TMEFF2: variants seen among roughly 807,000 people sequenced by gnomAD.
The protein encoded by TMEFF2 is transmembrane protein with EGF like and two follistatin like domains 2.
TMEFF2 carries 28 observed loss-of-function variants against 53.8 expected under a neutral mutation model. That is an observed-to-expected ratio of 0.52 (90% confidence interval 0.39 to 0.71). TMEFF2 has a LOEUF of 0.71. TMEFF2 is among the 30% of genes least tolerant of loss of function. The pLI, the probability that TMEFF2 is intolerant of heterozygous loss-of-function variation, is 0.00. For synonymous variants in TMEFF2, 162 were observed against 166.3 expected, an observed-to-expected ratio of 0.97 and a Z score of 0.20; for missense variants, 353 against 455.2, an observed-to-expected ratio of 0.78 and a Z score of 2.04.
Position 192,191,911 on chromosome 2 carries a change from C to G in TMEFF2, c.251G>C (p.Gly84Ala). The change falls in exon 2 of 10, where the codon GGA becomes GCA. Residue 84 changes from glycine (G) to alanine (A), a missense_variant. Physicochemically the swap from Gly to Ala is moderately conservative, Grantham distance 60 (BLOSUM62 0). Transcript: ENST00000272771. ...CKFDGECLRI[G>A]DTVTCVCQFK... ...CTGACAGACGCAAGTCACAGTGTCT[C>G]CAATTCTTAAACATTCCCCATCAAA... 1 of 1,613,362 alleles carries G rather than the reference C, an allele frequency of 6.2e-7. No homozygotes were observed.
intron 7 of TMEFF2, 99 bp from the exon 8 acceptor site, chr2:191,956,477 T>TA: frequency 7.6e-7 from 1 of 1,319,172 alleles, no homozygotes; most frequent in Non-Finnish European, 1.0e-6. Flanking sequence ...CAAAGATATT[T>TA]AAAAGGGCAA....
At chr2:192,192,780 T>A (rs537941406) in intron 1 of TMEFF2, among the ~76,000 whole-genome samples, 7 of 152,346 alleles carry the variant, frequency 4.6e-5, no homozygotes, top group Non-Finnish European at 1.0e-4. Flanking sequence ...GCCATCAACA[T>A]TTCCAAAAAT....
intron 5 of TMEFF2, among the ~76,000 whole-genome samples, chr2:192,040,411 C>T (rs1425378214): frequency 1.3e-5 from 2 of 152,044 alleles, no homozygotes; most frequent in African/African-American, 4.8e-5. Context: ...TGCTTCAAAT[C>T]CTTTGAAGAG....
rs1238794111 is a variant in TMEFF2 at position 191,953,581 on chromosome 2, CAG to C, written c.1028+96_1028+97del. ...AGGACTCATAGAGAATGGATGGCTG[CAG>C]AGTCCATGAAGGAACTCACCTCGGA... On this transcript the variant is annotated intron_variant, in intron 9 of 9. Transcript: ENST00000272771. The C allele has an allele frequency of 6.6e-6, 9 of 1,364,048 alleles. No homozygotes were observed. In the African/African-American group the frequency reaches 1.3e-4, roughly 20 times the overall value. The allele number at this position is 1,364,048 out of a possible 1,614,324, so 84.5% of individuals were successfully genotyped here. A position where few individuals can be genotyped will look rare whatever the true frequency, so the allele number is the denominator to read the frequency against.
intron 4 of TMEFF2, among the ~76,000 whole-genome samples, chr2:192,079,402 A>G (rs1367954762): frequency 1.3e-5 from 2 of 152,168 alleles, no homozygotes; most frequent in African/African-American, 4.8e-5. Flanking sequence ...TCTTCCACTC[A>G]TCAAATAAGG....
intron 4 of TMEFF2, among the ~76,000 whole-genome samples, chr2:192,065,907 G>C (rs1019389883): frequency 2.0e-5 from 3 of 151,624 alleles, no homozygotes; most frequent in African/African-American, 7.3e-5. Context: ...TTTGCATCTT[G>C]TGTGAGTTTT....
At chr2:192,080,916 G>A (rs1354687379) in intron 4 of TMEFF2, among the ~76,000 whole-genome samples, 3 of 151,830 alleles carry the variant, frequency 2.0e-5, no homozygotes, top group Non-Finnish European at 4.4e-5. Flanking sequence ...ATATTTAAAG[G>A]TAAATCTTAA....
At chr2:192,109,912 TAAGTG>T (rs1689236690) in intron 4 of TMEFF2, among the ~76,000 whole-genome samples, 1 of 152,102 alleles carries the variant, frequency 6.6e-6, no homozygotes, top group Non-Finnish European at 1.5e-5. Flanking sequence ...ATGAGAGACC[TAAGTG>T]AAGATTCCAT....
At chr2:191,982,134 ACCATAT>A (rs11279365) in intron 7 of TMEFF2, among the ~76,000 whole-genome samples, 150,154 of 152,078 alleles carry the variant, frequency 0.99, 74,168 homozygotes, top group Middle Eastern at 1. Flanking sequence ...TCAGGATTCT[ACCATAT>A]CCATATTTAT....
chr2:192,069,277 T>C (rs556987095), intron 4 of TMEFF2, among the ~76,000 whole-genome samples: 3 of 151,894 alleles, frequency 2.0e-5, no homozygotes, highest in East Asian at 3.9e-4. Context: ...AAGACCTCTG[T>C]AGTGATGCTC....
chr2:191,972,653 T>A (rs1417575294), intron 7 of TMEFF2, among the ~76,000 whole-genome samples: 1 of 152,116 alleles, frequency 6.6e-6, no homozygotes, highest in Non-Finnish European at 1.5e-5. Flanking sequence ...AAAAATTACT[T>A]TTATTTCCCT....
At chr2:192,165,666 C>T (rs1245340145) in intron 4 of TMEFF2, among the ~76,000 whole-genome samples, 1 of 152,030 alleles carries the variant, frequency 6.6e-6, no homozygotes, top group Non-Finnish European at 1.5e-5. Flanking sequence ...TTCCCATCCA[C>T]TCCCTTTCCT....
At chr2:191,979,811 T>A (rs1685811918) in intron 7 of TMEFF2, among the ~76,000 whole-genome samples, 2 of 152,036 alleles carry the variant, frequency 1.3e-5, no homozygotes, top group African/African-American at 2.4e-5. Context: ...TGAAAATTTT[T>A]AATTTATGAT....
chr2:192,005,951 G>A (rs1468935313), intron 5 of TMEFF2, among the ~76,000 whole-genome samples: 1 of 152,084 alleles, frequency 6.6e-6, no homozygotes, highest in Non-Finnish European at 1.5e-5. Context: ...TGAGGTAAGA[G>A]ATGTGAAAAT....
chr2:192,017,504 T>C (rs1686768482), intron 5 of TMEFF2, among the ~76,000 whole-genome samples: 1 of 152,190 alleles, frequency 6.6e-6, no homozygotes, highest in South Asian at 2.1e-4. Context: ...ATTATGCCTT[T>C]TGGCAGCACT....
intron 4 of TMEFF2, among the ~76,000 whole-genome samples, chr2:192,089,093 A>T (rs1688731528): frequency 6.6e-6 from 1 of 152,162 alleles, no homozygotes; most frequent in Non-Finnish European, 1.5e-5. Flanking sequence ...GACAAAAGTG[A>T]CGCTTGGGGA....
At chr2:192,088,400 T>A (rs1380963875) in intron 4 of TMEFF2, among the ~76,000 whole-genome samples, 3 of 152,084 alleles carry the variant, frequency 2.0e-5, no homozygotes, top group South Asian at 2.1e-4. Context: ...TTTTAGCTGA[T>A]GGAGTGTCTG....
At chr2:191,961,237 A>G (rs907127812) in intron 7 of TMEFF2, among the ~76,000 whole-genome samples, 3 of 152,128 alleles carry the variant, frequency 2.0e-5, no homozygotes, top group Non-Finnish European at 2.9e-5. Flanking sequence ...TCTTTTGTTT[A>G]GTGGACCTAA....
intron 4 of TMEFF2, among the ~76,000 whole-genome samples, chr2:192,111,839 G>A (rs1489276219): frequency 6.6e-6 from 1 of 152,220 alleles, no homozygotes; most frequent in Non-Finnish European, 1.5e-5. Context: ...TCTAGCCATG[G>A]CTAAAAGGGG....
Sources: allele counts gnomAD v4.1 joint callset (sites outside exome capture counted in the v4.1 genomes callset), GRCh38; gene constraint gnomAD v4.1.1; transcripts MANE v1.5; gene names NCBI Gene and HGNC (gene_info 2026-07-23, HGNC 2026-07-21).